USP12: variants seen among roughly 807,000 people sequenced by gnomAD.
USP12 encodes ubiquitin specific peptidase 12.
A neutral mutation model predicts 45.5 loss-of-function variants in USP12; 19 were observed. The ratio of observed to expected loss-of-function variants is 0.42; its 90% CI spans 0.29 to 0.61. The LOEUF (loss-of-function observed/expected upper bound fraction) is 0.61, where lower values mean the gene tolerates loss of function less well. Among genes scored for constraint, USP12 ranks in the 20% least tolerant of loss-of-function variants. The pLI, the probability that USP12 is intolerant of heterozygous loss-of-function variation, is 0.22. For missense variants in USP12, 242 were observed against 447.7 expected (o/e 0.54, Z 4.15); for synonymous variants, 149 against 148.8 (o/e 1.00, Z -0.01).
At position 27,135,472 on chromosome 13, in the gene USP12, G is replaced by A. The variant is rs192118217; in HGVS notation, c.49-18876C>T. Among the ~76,000 whole-genome samples, 27 of 152,222 alleles carry A rather than the reference G, an allele frequency of 1.8e-4. No homozygotes were observed. In the East Asian group the frequency reaches 4.6e-3, roughly 26 times the overall value. ...TCACGCCTATAATCCCAGCACTTTC[G>A]GAGGCCGAGGCAGATGGATTACTTG... On this transcript the variant is annotated intron_variant, in intron 1 of 8. Coordinates refer to ENST00000282344, the MANE Select transcript of USP12 (RefSeq NM_182488.4).
rs7331930 is a variant in USP12 at position 27,103,734 on chromosome 13, C to A, written c.343+1997G>T. On this transcript the variant is annotated intron_variant, in intron 3 of 8. Coordinates refer to ENST00000282344, the MANE Select transcript of USP12 (RefSeq NM_182488.4). Reference sequence around the variant, plus strand: ...ACTAGTCTGGGCAACATAATGAGACCCCATCTCTACCAAAAAAAAAAAAAA... The same window carrying A: ...ACTAGTCTGGGCAACATAATGAGACACCATCTCTACCAAAAAAAAAAAAAA... 7.8e-3 allele frequency among the ~76,000 whole-genome samples: 1,101 copies of A among 141,198 alleles called. 13 individuals are homozygous for A. Among genetic ancestry groups the A allele is most frequent in the African/African-American group, 0.024 (903 of 38,170 alleles). 92.6% of individuals were successfully genotyped at this position (141,198 alleles called of 152,430 possible). A position where few individuals can be genotyped will look rare whatever the true frequency, so the allele number is the denominator to read the frequency against.
chr13:27,128,157 T>A (rs1448823099), intron 1 of USP12, among the ~76,000 whole-genome samples: 2 of 152,158 alleles, frequency 1.3e-5, no homozygotes, highest in Non-Finnish European at 2.9e-5. Flanking sequence ...AAATATAAGA[T>A]CACTGGATGC....
At chr13:27,140,144 T>TC (rs111456971) in intron 1 of USP12, among the ~76,000 whole-genome samples, 11,472 of 152,220 alleles carry the variant, frequency 0.075, 587 homozygotes, top group African/African-American at 0.14. Flanking sequence ...TAGTTTTTTT[T>TC]CCCTACGTGT....
At chr13:27,135,863 C>G (rs996386389) in intron 1 of USP12, among the ~76,000 whole-genome samples, 6 of 152,216 alleles carry the variant, frequency 3.9e-5, no homozygotes, top group African/African-American at 1.4e-4. Context: ...GGAAAACATG[C>G]TTTTCTTTAC....
At chr13:27,091,017 A>G (rs1182719709) in intron 4 of USP12, among the ~76,000 whole-genome samples, 2 of 152,224 alleles carry the variant, frequency 1.3e-5, no homozygotes, top group East Asian at 3.8e-4. Flanking sequence ...CCTGACTTCA[A>G]CATTAAGCTA....
chr13:27,100,711 G>T lies in USP12; in HGVS notation c.344-4881C>A, dbSNP rs925588178. Among the ~76,000 whole-genome samples, 5 of 152,302 alleles carry T rather than the reference G, an allele frequency of 3.3e-5. No individual in the cohort carries two copies. In the East Asian group the frequency reaches 9.6e-4, roughly 29 times the overall value. On this transcript the variant is annotated intron_variant, in intron 3 of 8. Coordinates refer to ENST00000282344, the MANE Select transcript of USP12 (RefSeq NM_182488.4). ...ACCCACCTCAAACAGGTCCACTAAGGCAAGGAGTGGAAGATAATTATGCTA... is the reference window on the plus strand; with the variant it reads ...ACCCACCTCAAACAGGTCCACTAAGTCAAGGAGTGGAAGATAATTATGCTA...
chr13:27,110,408 C>T (rs950310587), intron 2 of USP12, among the ~76,000 whole-genome samples: 1 of 152,160 alleles, frequency 6.6e-6, no homozygotes, highest in African/African-American at 2.4e-5. Flanking sequence ...GTTCAATCTC[C>T]TAATTGTCTG....
intron 1 of USP12, among the ~76,000 whole-genome samples, chr13:27,128,358 CA>C (rs1358681618): frequency 1.3e-5 from 2 of 152,164 alleles, no homozygotes; most frequent in African/African-American, 4.8e-5. Flanking sequence ...GGAAAATTCT[CA>C]AATATGACCA....
At chr13:27,071,030 G>T in intron 8 of USP12, 41 bp downstream of exon 8, 1 of 1,507,932 alleles carries the variant, frequency 6.6e-7, no homozygotes, top group Non-Finnish European at 9.1e-7. Context: ...AGCAACATAT[G>T]CATACAACTT....
intron 8 of USP12, 126 bp from the exon 9 acceptor site, chr13:27,069,510 A>T: frequency 1.4e-6 from 1 of 722,076 alleles, no homozygotes; most frequent in Non-Finnish European, 2.4e-6. Flanking sequence ...TCTCACACAC[A>T]GCTGGCAGGG....
intron 3 of USP12, among the ~76,000 whole-genome samples, chr13:27,101,915 G>A (rs774575167): frequency 6.6e-6 from 1 of 152,152 alleles, no homozygotes; most frequent in Admixed American, 6.5e-5. Flanking sequence ...AACGCTGCTT[G>A]TCCATGCAGG....
At chr13:27,108,970 G>GTA (rs1018148181) in intron 2 of USP12, among the ~76,000 whole-genome samples, 3 of 152,128 alleles carry the variant, frequency 2.0e-5, no homozygotes, top group Non-Finnish European at 4.4e-5. Flanking sequence ...GTGTGTGTGT[G>GTA]TATATACACA....
intron 1 of USP12, among the ~76,000 whole-genome samples, chr13:27,156,159 A>G (rs1877832052): frequency 6.6e-6 from 1 of 152,044 alleles, no homozygotes; most frequent in African/African-American, 2.4e-5. Context: ...TTCCACTGCA[A>G]ACCAGAAGTA....
At chr13:27,102,819 T>C (rs1257365712) in intron 3 of USP12, among the ~76,000 whole-genome samples, 1 of 152,198 alleles carries the variant, frequency 6.6e-6, no homozygotes, top group Non-Finnish European at 1.5e-5. Flanking sequence ...AAGGCATATT[T>C]CTGTATCATC....
At chr13:27,106,008 C>T (rs1360313094) in intron 2 of USP12, 64 bp from the exon 3 acceptor site, 12 of 1,399,772 alleles carry the variant, frequency 8.6e-6, no homozygotes, top group Middle Eastern at 3.6e-4. Flanking sequence ...GAGAAATTCC[C>T]GGTATATGGT....
Position 27,166,874 on chromosome 13 carries a change from T to C in USP12, c.48+4718A>G, listed in dbSNP as rs551549129. On this transcript the variant is annotated intron_variant, in intron 1 of 8. Transcript: ENST00000282344. Reference sequence around the variant, plus strand: ...CCTAGTACCCTACCACTATGCTTTATTGGGCTCATCTCACCACCTCATCAT... The same window carrying C: ...CCTAGTACCCTACCACTATGCTTTACTGGGCTCATCTCACCACCTCATCAT... Among the ~76,000 whole-genome samples the C allele has an allele frequency of 1.6e-4, 24 of 152,296 alleles. 1 individual carries two copies. Among genetic ancestry groups the C allele is most frequent in the African/African-American group, 5.8e-4 (24 of 41,572 alleles).
rs1873054881 is a variant in USP12, at chr13:27,067,576, G to C, written c.*1707C>G. ...ACATCTGTTTAAGCAGCCCAATTAAGTGACTCTGTTAAAGGTCTGCTTATG... is the reference window on the plus strand; with the variant it reads ...ACATCTGTTTAAGCAGCCCAATTAACTGACTCTGTTAAAGGTCTGCTTATG... On this transcript the variant is annotated 3_prime_UTR_variant, in exon 9 of 9. Transcript: ENST00000282344. The C allele has an allele frequency of 6.6e-6, 1 of 152,148 alleles. No homozygotes were observed. Among genetic ancestry groups the C allele is most frequent in the Non-Finnish European group, 1.5e-5 (1 of 68,026 alleles). The allele number at this position is 152,148 out of a possible 1,614,324, so 9.4% of individuals were successfully genotyped here. A position where few individuals can be genotyped will look rare whatever the true frequency, so the allele number is the denominator to read the frequency against.
intron 6 of USP12, among the ~76,000 whole-genome samples, chr13:27,086,973 A>G (rs905623002): frequency 6.6e-6 from 1 of 152,134 alleles, no homozygotes; most frequent in Non-Finnish European, 1.5e-5. Flanking sequence ...CAAAAATATA[A>G]TCACTTAAAA....
At chr13:27,153,262 G>A (rs964089855) in intron 1 of USP12, among the ~76,000 whole-genome samples, 5 of 152,068 alleles carry the variant, frequency 3.3e-5, no homozygotes, top group Non-Finnish European at 5.9e-5. Context: ...AGCCAAGATC[G>A]TGCCACTGCA....
Sources: gnomAD v4.1 joint callset for allele counts (sites outside exome capture counted in the v4.1 genomes callset) on GRCh38, gnomAD v4.1.1 for gene constraint, MANE v1.5 for transcripts, NCBI Gene and HGNC (gene_info 2026-07-23, HGNC 2026-07-21) for gene names.